The following ADAMTS20 variants were observed in gnomAD, a reference collection of about 807,000 sequenced individuals.
ADAMTS20 encodes the protein ADAM metallopeptidase with thrombospondin type 1 motif 20, also known as A disintegrin and metalloproteinase with thrombospondin motifs 20.
A neutral mutation model predicts 260.1 loss-of-function variants in ADAMTS20; 225 were observed. The observed-to-expected ratio is 0.87, with a 90% CI of 0.78 to 0.97. The LOEUF (loss-of-function observed/expected upper bound fraction) is 0.97. ADAMTS20 is among the 50% of genes least tolerant of loss of function. ADAMTS20 has a pLI of 0.00. For missense variants in ADAMTS20, 2,400 were observed against 2,337.7 expected (o/e 1.03, Z -0.55); for synonymous variants, 802 against 769.5 (o/e 1.04, Z -0.70).
intron 37 of ADAMTS20, among the ~76,000 whole-genome samples, chr12:43,361,995 TAAC>T (rs905995811): frequency 1.3e-5 from 2 of 152,226 alleles, no homozygotes; most frequent in Non-Finnish European, 2.9e-5. Flanking sequence ...CTTTCCAAAG[TAAC>T]AACATTTGTT....
intron 31 of ADAMTS20, among the ~76,000 whole-genome samples, chr12:43,381,780 C>CA (rs765135656): frequency 0.27 from 9,170 of 34,246 alleles, 1,377 homozygotes; most frequent in East Asian, 0.33. Context: ...GACTGCATCT[C>CA]AAAAAAAAAA....
At chr12:43,430,562 A>T (rs1941423634) in intron 22 of ADAMTS20, 91 bp from the exon 23 acceptor site, 1 of 1,180,330 alleles carries the variant, frequency 8.5e-7, no homozygotes, top group Non-Finnish European at 1.1e-6. Context: ...TTAATAATAT[A>T]CTTTTAATAA....
chr12:43,523,869 T>TCC (rs71091165), intron 3 of ADAMTS20, among the ~76,000 whole-genome samples: 3 of 148,798 alleles, frequency 2.0e-5, no homozygotes, highest in Non-Finnish European at 4.5e-5. Flanking sequence ...AGCACCCCCC[T>TCC]CCCCCAACCA....
At chr12:43,436,001 T>G (rs1366648819) in intron 18 of ADAMTS20, among the ~76,000 whole-genome samples, 1 of 152,186 alleles carries the variant, frequency 6.6e-6, no homozygotes, top group East Asian at 1.9e-4. Context: ...AACATGATTA[T>G]ATACGTTATC....
intron 28 of ADAMTS20, among the ~76,000 whole-genome samples, chr12:43,415,176 C>T (rs1941105698): frequency 6.6e-6 from 1 of 152,070 alleles, no homozygotes; most frequent in Non-Finnish European, 1.5e-5. Flanking sequence ...TGTTTGATGT[C>T]AGAAAAGGGT....
At chr12:43,449,624 CT>C (rs1272947590) in intron 14 of ADAMTS20, among the ~76,000 whole-genome samples, 1 of 151,974 alleles carries the variant, frequency 6.6e-6, no homozygotes, top group African/African-American at 2.4e-5. Flanking sequence ...ATATATACCC[CT>C]GAACCTAAAA....
chr12:43,433,857 A>G (rs1013958422), intron 19 of ADAMTS20: 4 of 430,444 alleles, frequency 9.3e-6, no homozygotes, highest in Admixed American at 2.7e-5. Context: ...AAATCAATCA[A>G]TTTGATTTCT....
At chr12:43,360,768 A>G (rs2137184754) in intron 37 of ADAMTS20, among the ~76,000 whole-genome samples, 1 of 152,312 alleles carries the variant, frequency 6.6e-6, no homozygotes, top group East Asian at 1.9e-4. Flanking sequence ...AAAAGTAAGG[A>G]CATGATCTAA....
chr12:43,355,241 G>A (rs886078777), intron 38 of ADAMTS20, among the ~76,000 whole-genome samples: 1 of 152,166 alleles, frequency 6.6e-6, no homozygotes, highest in Non-Finnish European at 1.5e-5. Flanking sequence ...TAAAATCTCA[G>A]AGTTGTATAA....
In ADAMTS20 at chr12:43,428,241, T is replaced by C; in HGVS notation, c.3945A>G (p.Ser1315=). ...GNQWRTGPWG[S]CSSSCSGGLQ... is the part of the protein sequence containing the mutation. ...ATATAACTCAATAAAGATGGCTTAC[T>C]GATCCCCATGGTCCGGTTCTCCACT... Residue 1315 remains serine, a splice_region_variant and synonymous_variant, in exon 26 of 39, where the codon TCA becomes TCG. Coordinates refer to ENST00000389420, the MANE Select transcript of ADAMTS20 (RefSeq NM_025003.5). 6.2e-7 allele frequency: 1 copy of C among 1,613,204 alleles called. No homozygotes were observed. Among genetic ancestry groups the C allele is most frequent in the Non-Finnish European group, 8.5e-7 (1 of 1,179,392 alleles).
chr12:43,508,006 G>A (rs1012531542), intron 3 of ADAMTS20, among the ~76,000 whole-genome samples: 8 of 152,120 alleles, frequency 5.3e-5, no homozygotes, highest in Non-Finnish European at 1.0e-4. Context: ...GGTGAGAGGA[G>A]GGAGAGGAGC....
chr12:43,505,099 T>A (rs2137453077), intron 3 of ADAMTS20, among the ~76,000 whole-genome samples: 1 of 152,278 alleles, frequency 6.6e-6, no homozygotes, highest in South Asian at 2.1e-4. Context: ...TCAAATGATT[T>A]TTGACAAGAG....
At chr12:43,544,504 T>C (rs1307608499) in intron 2 of ADAMTS20, among the ~76,000 whole-genome samples, 2 of 152,160 alleles carry the variant, frequency 1.3e-5, no homozygotes, top group African/African-American at 4.8e-5. Context: ...TAATTTAATA[T>C]GTAATGAGAG....
At chr12:43,395,053 C>G (rs1422978716) in intron 29 of ADAMTS20, among the ~76,000 whole-genome samples, 1 of 152,070 alleles carries the variant, frequency 6.6e-6, no homozygotes, top group African/African-American at 2.4e-5. Context: ...GTCACCTCAG[C>G]CTACCCCAAG....
intron 29 of ADAMTS20, among the ~76,000 whole-genome samples, chr12:43,389,627 T>C (rs536864940): frequency 6.6e-6 from 1 of 152,218 alleles, no homozygotes; most frequent in East Asian, 1.9e-4. Flanking sequence ...GCTATAGTGG[T>C]CTGGGGTCAT....
chr12:43,518,930 G>A (rs529213149), intron 3 of ADAMTS20, among the ~76,000 whole-genome samples: 152 of 151,512 alleles, frequency 1.0e-3, no homozygotes, highest in African/African-American at 3.3e-3. Flanking sequence ...GACACCTCTC[G>A]CTTTCTTCAT....
Position 43,376,149 on chromosome 12 carries a change from C to A in ADAMTS20, c.5221-1G>T, listed in dbSNP as rs1388586515. On this transcript the variant is annotated splice_acceptor_variant, in intron 34 of 38. Transcript: ENST00000389420. LOFTEE classifies it high-confidence loss of function. ...CCAAGTACATGTCTGCACAATAAAT[C>A]TAAAGAAAAAATGTAAACATCTAGA... 3 of 1,592,736 alleles carry A rather than the reference C, an allele frequency of 1.9e-6. No homozygotes were observed. The highest frequency in any genetic ancestry group is 2.6e-6 in the Non-Finnish European group (3 of 1,171,532).
intron 2 of ADAMTS20, among the ~76,000 whole-genome samples, chr12:43,545,624 A>C (rs958088351): frequency 6.6e-6 from 1 of 152,142 alleles, no homozygotes; most frequent in African/African-American, 2.4e-5. Flanking sequence ...TCTCCTTGTC[A>C]GTAACTGAGT....
At chr12:43,364,635 G>A (rs746920267) in intron 37 of ADAMTS20, among the ~76,000 whole-genome samples, 3 of 152,042 alleles carry the variant, frequency 2.0e-5, no homozygotes, top group East Asian at 3.9e-4. Flanking sequence ...AGTAGAATTC[G>A]CAAACTTAAA....
Sources: allele counts gnomAD v4.1 joint callset (sites outside exome capture counted in the v4.1 genomes callset), GRCh38; gene constraint gnomAD v4.1.1; transcripts MANE v1.5; gene names NCBI Gene and HGNC (gene_info 2026-07-23, HGNC 2026-07-21).